RSL1D1: variants seen among roughly 807,000 people sequenced by gnomAD.
The protein encoded by RSL1D1 is ribosomal L1 domain-containing protein 1.
RSL1D1 carries 34 observed loss-of-function variants against 44.6 expected under a neutral mutation model. The ratio of observed to expected loss-of-function variants is 0.76; its 90% CI spans 0.58 to 1.02. RSL1D1 has a LOEUF of 1.02. Ranked by LOEUF, RSL1D1 falls within the 50% of genes least tolerant of loss-of-function variation. The pLI is 0.00. For synonymous variants in RSL1D1, 271 were observed against 207.4 expected (o/e 1.31, Z -2.63); for missense variants, 767 against 568.1 (o/e 1.35, Z -3.56).
At chr16:11,838,218 A>G in intron 8 of RSL1D1, 105 bp from the exon 9 acceptor site, 1 of 1,024,044 alleles carries the variant, frequency 9.8e-7, no homozygotes, top group Non-Finnish European at 1.4e-6. Flanking sequence ...TTTCAGACTG[A>G]GTTTCGCTCT....
intron 3 of RSL1D1, among the ~76,000 whole-genome samples, chr16:11,847,258 C>T (rs1328324599): frequency 2.0e-5 from 3 of 152,028 alleles, no homozygotes; most frequent in African/African-American, 7.2e-5. Context: ...GCCTGTAATC[C>T]CAGCTATTCG....
intron 5 of RSL1D1, among the ~76,000 whole-genome samples, chr16:11,844,509 G>C (rs1199913637): frequency 1.3e-5 from 2 of 152,142 alleles, no homozygotes; most frequent in African/African-American, 2.4e-5. Context: ...TAGGCTCCGT[G>C]ACCAACTCTT....
chr16:11,838,514 C>CTTTA (rs1211677702), intron 8 of RSL1D1, among the ~76,000 whole-genome samples: 4 of 151,918 alleles, frequency 2.6e-5, no homozygotes, highest in Non-Finnish European at 5.9e-5. Flanking sequence ...TTAGTTAACC[C>CTTTA]CCAAAAGGTA....
rs569627412 is a variant in RSL1D1, at chr16:11,843,362, T to C, written c.636-1362A>G. Reference sequence around the variant, plus strand: ...CTGGGATTACAAGCGTGAGCCACCATGCCCAGCCGAGGCAGTGATTAAAGA... The same window carrying C: ...CTGGGATTACAAGCGTGAGCCACCACGCCCAGCCGAGGCAGTGATTAAAGA... On this transcript the variant is annotated intron_variant, in intron 5 of 8. Coordinates refer to ENST00000571133, the MANE Select transcript of RSL1D1 (RefSeq NM_015659.3). 2.1e-4 allele frequency among the ~76,000 whole-genome samples: 31 copies of C among 149,964 alleles called. 2 individuals carry two copies. The South Asian group carries it at 6.7e-3, about 32-fold the overall frequency.
At chr16:11,849,349 T>C (rs1233307214) in intron 2 of RSL1D1, 2 of 150,636 alleles carry the variant, frequency 1.3e-5, no homozygotes, top group Non-Finnish European at 2.9e-5. Flanking sequence ...GATCTCACTA[T>C]TGTACTCCAG....
intron 5 of RSL1D1, among the ~76,000 whole-genome samples, chr16:11,843,644 A>G (rs904482601): frequency 6.6e-6 from 1 of 151,882 alleles, no homozygotes; most frequent in Non-Finnish European, 1.5e-5. Flanking sequence ...CAAGGTGGGC[A>G]GATCACGAGG....
intron 8 of RSL1D1, 142 bp downstream of exon 8, chr16:11,839,553 A>AAAAAAAAT: frequency 3.9e-6 from 5 of 1,295,560 alleles, no homozygotes; most frequent in Non-Finnish European, 4.1e-6. Flanking sequence ...AAAAGGTACA[A>AAAAAAAAT]TAAATCATGA....
intron 5 of RSL1D1, among the ~76,000 whole-genome samples, chr16:11,843,842 G>C (rs2053780504): frequency 7.9e-6 from 1 of 126,974 alleles, no homozygotes; most frequent in Non-Finnish European, 1.6e-5. Context: ...CTGCACTCTA[G>C]CCTGGGCGAC....
In RSL1D1 at chr16:11,841,120, T is replaced by C. The variant is rs141246415; in HGVS notation, c.855+575A>G. Among the ~76,000 whole-genome samples, 1,069 of 152,300 alleles carry C rather than the reference T, an allele frequency of 7.0e-3. 7 individuals carry two copies. The highest frequency in any genetic ancestry group is 0.011 in the Non-Finnish European group (767 of 68,032). On this transcript the variant is annotated intron_variant, in intron 7 of 8. Coordinates refer to ENST00000571133, the MANE Select transcript of RSL1D1 (RefSeq NM_015659.3). ...TAACTCAGGCCCCCTCAAAAGCCAGTTAATCCAGGCCAGGCATAGTAGCTC... is the reference window on the plus strand; with the variant it reads ...TAACTCAGGCCCCCTCAAAAGCCAGCTAATCCAGGCCAGGCATAGTAGCTC...
chr16:11,836,222 C>T lies in RSL1D1; in HGVS notation c.*1565G>A, dbSNP rs1016499668. 3.3e-5 allele frequency: 5 copies of T among 152,226 alleles called. No homozygotes were observed. The highest frequency in any genetic ancestry group is 6.5e-5 in the Admixed American group (1 of 15,276). 9.4% of individuals were successfully genotyped at this position (152,226 alleles called of 1,614,324 possible). On this transcript the variant is annotated 3_prime_UTR_variant, in exon 9 of 9. Coordinates refer to ENST00000571133, the MANE Select transcript of RSL1D1 (RefSeq NM_015659.3). The stretch of plus-strand genomic sequence containing the variant: ...ACGGCCTTCACAGCCTCCACCATCC[C>T]GATGGTCTGCTGGTCCTACTTCTCT...
intron 3 of RSL1D1, among the ~76,000 whole-genome samples, chr16:11,847,348 C>G (rs1255034091): frequency 6.6e-6 from 1 of 152,108 alleles, no homozygotes; most frequent in East Asian, 1.9e-4. Flanking sequence ...GAATTCCAGC[C>G]TGGGCGACAG....
intron 2 of RSL1D1, among the ~76,000 whole-genome samples, chr16:11,849,677 TA>T (rs1031840597): frequency 6.6e-6 from 1 of 152,044 alleles, no homozygotes; most frequent in East Asian, 1.9e-4. Flanking sequence ...CAGTTTCTAA[TA>T]AAAAAATAAA....
chr16:11,836,801 C>T lies in RSL1D1; in HGVS notation c.*986G>A, dbSNP rs1045083497. ...TTCTGTTTCTCCTAAATTCCGTAGC[C>T]GACTCTCATACAGCGAGACCCTCAC... On this transcript the variant is annotated 3_prime_UTR_variant, in exon 9 of 9. Coordinates refer to ENST00000571133, the MANE Select transcript of RSL1D1 (RefSeq NM_015659.3). 8.5e-5 allele frequency: 13 copies of T among 152,246 alleles called. No homozygotes were observed. Among genetic ancestry groups the T allele is most frequent in the Admixed American group, 2.6e-4 (4 of 15,286 alleles). 9.4% of individuals were successfully genotyped at this position (152,246 alleles called of 1,614,324 possible). A position where few individuals can be genotyped will look rare whatever the true frequency, so the allele number is the denominator to read the frequency against.
Position 11,839,767 on chromosome 16 carries a change from T to C in RSL1D1, c.1074A>G (p.Thr358=), listed in dbSNP as rs2053750933. 2.5e-6 allele frequency: 4 copies of C among 1,614,176 alleles called. No individual in the cohort carries two copies. The highest frequency in any genetic ancestry group is 3.4e-6 in the Non-Finnish European group (4 of 1,180,044). ...GTGGGATTTCGTCTTCGGATTCATTTGTTGCTTTAACTTGGGCTTTTCCTC... is the reference window on the plus strand; with the variant it reads ...GTGGGATTTCGTCTTCGGATTCATTCGTTGCTTTAACTTGGGCTTTTCCTC... ...RGRGKAQVKA[T]NESEDEIPQL... Residue 358 remains threonine, a synonymous_variant, in exon 8 of 9, where the codon ACA becomes ACG. Transcript: ENST00000571133.
Position 11,846,848 on chromosome 16 carries a change from G to C in RSL1D1, c.385-5C>G. 1 of 1,584,148 alleles carries C rather than the reference G, an allele frequency of 6.3e-7. No individual in the cohort carries two copies. Among genetic ancestry groups the C allele is most frequent in the Non-Finnish European group, 8.6e-7 (1 of 1,160,014 alleles). ...TAGAGTTTGGAGGGAGATAATCTAG[G>C]AAGTATAGAGAAGAATAAAAACAAG... On this transcript the variant is annotated splice_region_variant and splice_polypyrimidine_tract_variant and intron_variant, in intron 3 of 8. Transcript: ENST00000571133.
At position 11,837,888 on chromosome 16, in the gene RSL1D1, G is replaced by A; in HGVS notation, c.1372C>T (p.Pro458Ser). The A allele has an allele frequency of 6.2e-7, 1 of 1,614,008 alleles. No individual in the cohort carries two copies. Among genetic ancestry groups the A allele is most frequent in the Admixed American group, 1.7e-5 (1 of 59,978 alleles). Residue 458 changes from proline (P) to serine (S), a missense_variant, in exon 9 of 9, where the codon CCA (proline) becomes TCA (serine). By Grantham distance (74) the Pro-to-Ser change is moderately conservative (BLOSUM62 -1). Coordinates refer to ENST00000571133, the MANE Select transcript of RSL1D1 (RefSeq NM_015659.3). ...KKDARQTPKK[P>S]EAKFFTTPSK... is the part of the protein sequence containing the mutation. ...GGAGTGGTGAAAAACTTGGCCTCTG[G>A]CTTTTTTGGAGTCTGTCTCGCATCT...
chr16:11,841,641 A>G, intron 7 of RSL1D1, 54 bp downstream of exon 7: 1 of 1,520,906 alleles, frequency 6.6e-7, no homozygotes, highest in Non-Finnish European at 9.0e-7. Context: ...TCTCCTAGTG[A>G]CTGAATTTAC....
In RSL1D1 at chr16:11,835,949, G is replaced by C. The variant is rs756641418; in HGVS notation, c.*1838C>G. On this transcript the variant is annotated 3_prime_UTR_variant, in exon 9 of 9. Transcript: ENST00000571133. ...CTAAGCCCAGGGCATAAAATCCCTC[G>C]TGGCTTGGATAAAATCCAGGGCCTG... 1.3e-5 allele frequency: 2 copies of C among 152,140 alleles called. No homozygotes were observed. Among genetic ancestry groups the C allele is most frequent in the African/African-American group, 2.4e-5 (1 of 41,432 alleles). 9.4% of individuals were successfully genotyped at this position (152,140 alleles called of 1,614,324 possible).
At chr16:11,839,578 T>C in intron 8 of RSL1D1, 117 bp downstream of exon 8, 1 of 1,271,068 alleles carries the variant, frequency 7.9e-7, no homozygotes, top group Non-Finnish European at 1.1e-6. Flanking sequence ...ATAACCACCT[T>C]CACAGTTCTT....
Sources: gnomAD v4.1 joint callset for allele counts (sites outside exome capture counted in the v4.1 genomes callset) on GRCh38, gnomAD v4.1.1 for gene constraint, MANE v1.5 for transcripts, NCBI Gene and HGNC (gene_info 2026-07-23, HGNC 2026-07-21) for gene names.